Variants in ACOT7 observed in about 807,000 individuals in gnomAD.
ACOT7 encodes acyl-CoA thioesterase 7, also known as cytosolic acyl coenzyme A thioester hydrolase.
Under a neutral mutation model 40.2 loss-of-function variants are expected in ACOT7, and 12 were observed. That is an observed-to-expected ratio of 0.30 (90% CI 0.19 to 0.48). ACOT7 has a LOEUF of 0.48. Ranked by LOEUF, ACOT7 falls within the 20% of genes least tolerant of loss-of-function variation. The pLI, the probability that ACOT7 is intolerant of heterozygous loss-of-function variation, is 0.99. For synonymous variants in ACOT7, 228 were observed against 219.5 expected, an observed-to-expected ratio of 1.04 and a Z score of -0.34; for missense variants, 395 against 530.8, an observed-to-expected ratio of 0.74 and a Z score of 2.51.
chr1:6,299,957 C>A lies in ACOT7; in HGVS notation c.713-4977G>T, dbSNP rs189702807. Among the ~76,000 whole-genome samples the A allele has an allele frequency of 7.9e-5, 12 of 152,274 alleles. No individual in the cohort carries two copies. The East Asian group carries it at 2.3e-3, about 29-fold the overall frequency. On this transcript the variant is annotated intron_variant, in intron 6 of 8. Coordinates refer to ENST00000361521, the MANE Select transcript of ACOT7 (RefSeq NM_007274.4). The surrounding 1 kb of genome is among the most constrained non-coding windows in gnomAD (Gnocchi z 4.1). ...TGGGGGCCAGGACCAGCTGCATTTG[C>A]CATGAAACGCTGACCATTTATATTC...
In ACOT7 at chr1:6,306,110, G is replaced by C; in HGVS notation, c.713-11130C>G. The C allele has an allele frequency of 4.9e-6, 2 of 408,734 alleles. No homozygotes were observed. Among genetic ancestry groups the C allele is most frequent in the Non-Finnish European group, 6.6e-6 (2 of 304,660 alleles). 25.3% of individuals were successfully genotyped at this position (408,734 alleles called of 1,614,324 possible). On this transcript the variant is annotated intron_variant, in intron 6 of 8. Coordinates refer to ENST00000361521, the MANE Select transcript of ACOT7 (RefSeq NM_007274.4). This position sits in a 1 kb window ranked among gnomAD's most constrained non-coding sequence, Gnocchi z 4.3. The stretch of plus-strand genomic sequence containing the variant: ...AGGCTGAGGCAGGAGAATCAGGCAG[G>C]GAGGTTGCAGTGAGCCAAGATGGCA...
intron 1 of ACOT7, among the ~76,000 whole-genome samples, chr1:6,362,418 G>A (rs1446578133): frequency 3.4e-5 from 5 of 148,212 alleles, no homozygotes; most frequent in African/African-American, 1.2e-4. Context: ...GTGACAGAGT[G>A]AAACTCCGTC....
chr1:6,327,933 C>T (rs1174610709), intron 4 of ACOT7, among the ~76,000 whole-genome samples: 1 of 152,042 alleles, frequency 6.6e-6, no homozygotes, highest in African/African-American at 2.4e-5. Flanking sequence ...GCCACCATGC[C>T]CGGCTAATTT....
intron 6 of ACOT7, among the ~76,000 whole-genome samples, chr1:6,313,390 G>C (rs1255473863): frequency 6.6e-6 from 1 of 152,180 alleles, no homozygotes; most frequent in Admixed American, 6.5e-5. Flanking sequence ...AAAAACCTCA[G>C]AAGCCAGAAG....
chr1:6,313,585 C>G (rs551668489), intron 6 of ACOT7, among the ~76,000 whole-genome samples: 25 of 152,200 alleles, frequency 1.6e-4, no homozygotes, highest in African/African-American at 6.0e-4. Flanking sequence ...ACTCACCCAC[C>G]CACAGATGTG....
chr1:6,270,066 C>T (rs916309903), intron 8 of ACOT7, among the ~76,000 whole-genome samples: 1 of 152,218 alleles, frequency 6.6e-6, no homozygotes, highest in Non-Finnish European at 1.5e-5. Flanking sequence ...AGGTTACGGG[C>T]TCACTGCTGG....
chr1:6,295,320 T>G (rs1285291983), intron 6 of ACOT7: 1 of 189,184 alleles, frequency 5.3e-6, no homozygotes, highest in Non-Finnish European at 1.1e-5. Flanking sequence ...CAGCACGTGC[T>G]GGCGAGGATG....
chr1:6,354,169 G>C (rs540133335), intron 1 of ACOT7, among the ~76,000 whole-genome samples: 9 of 152,154 alleles, frequency 5.9e-5, no homozygotes, highest in African/African-American at 2.2e-4. Context: ...CCCGGCCGGT[G>C]TCCCCTCTGG....
At chr1:6,360,424 C>T in intron 1 of ACOT7, 13 of 1,193,956 alleles carry the variant, frequency 1.1e-5, no homozygotes, top group Non-Finnish European at 1.5e-5. Flanking sequence ...CCCATCTCGG[C>T]CCATCTTCCT....
intron 7 of ACOT7, among the ~76,000 whole-genome samples, chr1:6,290,520 GTC>G (rs1157879540): frequency 6.6e-6 from 1 of 152,128 alleles, no homozygotes; most frequent in Non-Finnish European, 1.5e-5. Context: ...GATGTGCCCA[GTC>G]TACCTGCAGG....
At chr1:6,280,201 G>A (rs1468688028) in intron 8 of ACOT7, among the ~76,000 whole-genome samples, 3 of 152,204 alleles carry the variant, frequency 2.0e-5, no homozygotes, top group Non-Finnish European at 4.4e-5. Flanking sequence ...CCGCATCCTC[G>A]CTCCCCGGAG....
At chr1:6,266,840 TG>T (rs1638867769) in intron 8 of ACOT7, among the ~76,000 whole-genome samples, 1 of 152,200 alleles carries the variant, frequency 6.6e-6, no homozygotes, top group South Asian at 2.1e-4. Flanking sequence ...AGGGTGGGCA[TG>T]GGGTCCCAGA....
chr1:6,374,049 T>C (rs1275457174), intron 1 of ACOT7, among the ~76,000 whole-genome samples: 1 of 152,202 alleles, frequency 6.6e-6, no homozygotes, highest in Non-Finnish European at 1.5e-5. Context: ...GAATTAAATA[T>C]CCATGGCAAA....
chr1:6,350,145 G>T (rs1641550694), intron 1 of ACOT7, among the ~76,000 whole-genome samples: 1 of 152,180 alleles, frequency 6.6e-6, no homozygotes, highest in African/African-American at 2.4e-5. Context: ...GACTGCCCTG[G>T]CAGGGAAGGG....
At chr1:6,317,976 G>C (rs111235655) in intron 6 of ACOT7, among the ~76,000 whole-genome samples, 14,840 of 152,124 alleles carry the variant, frequency 0.098, 1,855 homozygotes, top group African/African-American at 0.29. Flanking sequence ...AGGTGATCCA[G>C]CCACCTCGGC....
At chr1:6,385,834 G>C (rs144801076) in intron 1 of ACOT7, 14 of 1,411,248 alleles carry the variant, frequency 9.9e-6, no homozygotes, top group East Asian at 2.6e-5. Context: ...ACCAGCCCCC[G>C]GCAAGCCGCC....
intron 2 of ACOT7, among the ~76,000 whole-genome samples, chr1:6,340,015 G>C (rs1641227690): frequency 6.6e-6 from 1 of 150,680 alleles, no homozygotes; most frequent in Admixed American, 6.6e-5. Context: ...ACCCAGGCTG[G>C]AGTGCAGTGG....
In ACOT7 at chr1:6,294,934, T is replaced by C; in HGVS notation, c.759A>G (p.Ala253=). The C allele has an allele frequency of 6.2e-7, 1 of 1,614,100 alleles. No individual in the cohort carries two copies. The highest frequency in any genetic ancestry group is 8.5e-7 in the Non-Finnish European group (1 of 1,180,010). ...LMDEVAGIVA[A]RHCKTNIVTA... ...TGACGATGTTGGTCTTGCAGTGGCG[T>C]GCAGCCACGATCCCGGCGACCTCAT... Residue 253 remains alanine, a synonymous_variant, in exon 7 of 9, where the codon GCA becomes GCG. Transcript: ENST00000361521. The surrounding 1 kb of genome is among the most constrained non-coding windows in gnomAD (Gnocchi z 4.6).
rs1557642671 is a variant in ACOT7, at chr1:6,306,817, A to C, written c.712+11675T>G. ...TAGCAGTGGGGGCTCCGGCCAAACA[A>C]GGTCACGGAATTGGAAAAGAGTAAC... On this transcript the variant is annotated intron_variant, in intron 6 of 8. Transcript: ENST00000361521. The surrounding 1 kb of genome is among the most constrained non-coding windows in gnomAD (Gnocchi z 4.3). 7.8e-7 allele frequency: 1 copy of C among 1,289,082 alleles called. No homozygotes were observed. The highest frequency in any genetic ancestry group is 2.3e-5 in the Admixed American group (1 of 43,560). 79.9% of individuals were successfully genotyped at this position (1,289,082 alleles called of 1,614,324 possible). A position where few individuals can be genotyped will look rare whatever the true frequency, so the allele number is the denominator to read the frequency against.
Sources: allele counts gnomAD v4.1 joint callset (sites outside exome capture counted in the v4.1 genomes callset), GRCh38; gene constraint gnomAD v4.1.1; non-coding constraint Gnocchi (gnomAD v3.1); transcripts MANE v1.5; gene names NCBI Gene and HGNC (gene_info 2026-07-23, HGNC 2026-07-21).